PARD3: variants seen among roughly 807,000 people sequenced by gnomAD.
PARD3 encodes the protein par-3 family cell polarity regulator, also known as partitioning defective 3 homolog.
A neutral mutation model predicts 155.4 loss-of-function variants in PARD3; 75 were observed. The ratio of observed to expected loss-of-function variants is 0.48; its 90% CI spans 0.40 to 0.58. The LOEUF is 0.58. Among genes scored for constraint, PARD3 ranks in the 20% least tolerant of loss-of-function variants. The pLI is 0.00. For synonymous variants in PARD3, 576 were observed against 610.5 expected (o/e 0.94, Z 0.83); for missense variants, 1,642 against 1,721.7 (o/e 0.95, Z 0.82).
At chr10:34,582,035 C>T (rs561455523) in intron 2 of PARD3, among the ~76,000 whole-genome samples, 23 of 152,272 alleles carry the variant, frequency 1.5e-4, no homozygotes, top group Middle Eastern at 3.4e-3. Context: ...TAAAAATTTA[C>T]GCCAAGAACC....
At chr10:34,348,168 T>A in intron 14 of PARD3, 53 bp from the exon 15 acceptor site, 2 of 1,487,042 alleles carry the variant, frequency 1.3e-6, no homozygotes, top group Non-Finnish European at 1.8e-6. Context: ...GGAGGCCAAT[T>A]AGCAGCATGG....
chr10:34,194,680 G>GT (rs1950864959), intron 22 of PARD3, among the ~76,000 whole-genome samples: 1 of 150,548 alleles, frequency 6.6e-6, no homozygotes, highest in East Asian at 2.0e-4. Flanking sequence ...GCAGTGTTAG[G>GT]TGGATAATGG....
chr10:34,322,658 T>C (rs894076408), intron 19 of PARD3, among the ~76,000 whole-genome samples: 4 of 152,250 alleles, frequency 2.6e-5, no homozygotes, highest in Middle Eastern at 3.4e-3. Context: ...AATAGAGATA[T>C]ACAAAACGAA....
chr10:34,784,599 G>A (rs1335239901), intron 1 of PARD3, among the ~76,000 whole-genome samples: 2 of 152,114 alleles, frequency 1.3e-5, no homozygotes, highest in African/African-American at 2.4e-5. Context: ...ACCATGCCAG[G>A]CTAATTCTTG....
intron 12 of PARD3, among the ~76,000 whole-genome samples, chr10:34,364,504 TCC>T (rs1839775812): frequency 9.2e-5 from 14 of 151,916 alleles, no homozygotes; most frequent in Admixed American, 6.6e-4. Context: ...ATCATAGCTC[TCC>T]ATAACCTTGA....
At chr10:34,694,957 T>C (rs10763996) in intron 2 of PARD3, among the ~76,000 whole-genome samples, 92,414 of 151,904 alleles carry the variant, frequency 0.61, 29,035 homozygotes, top group Non-Finnish European at 0.67. Flanking sequence ...AGCAGGCCGG[T>C]GGGGAGAGGG....
At chr10:34,651,200 T>C (rs2093005910) in intron 2 of PARD3, among the ~76,000 whole-genome samples, 1 of 152,092 alleles carries the variant, frequency 6.6e-6, no homozygotes, top group Non-Finnish European at 1.5e-5. Flanking sequence ...TTGACAAAAA[T>C]TAGATTTTTG....
intron 2 of PARD3, among the ~76,000 whole-genome samples, chr10:34,650,200 ATGCACCG>A (rs1339900151): frequency 6.6e-6 from 1 of 152,264 alleles, no homozygotes; most frequent in Non-Finnish European, 1.5e-5. Flanking sequence ...ATCAAGCACC[ATGCACCG>A]TGCACAACTG....
intron 1 of PARD3, among the ~76,000 whole-genome samples, chr10:34,812,883 A>G (rs1844372536): frequency 6.6e-6 from 1 of 152,162 alleles, no homozygotes; most frequent in African/African-American, 2.4e-5. Flanking sequence ...CGCCCTGTGA[A>G]ACAACCACTG....
chr10:34,479,057 G>T (rs1280639912), intron 3 of PARD3, among the ~76,000 whole-genome samples: 1 of 151,936 alleles, frequency 6.6e-6, no homozygotes, highest in East Asian at 1.9e-4. Context: ...TAATATTGTG[G>T]TTGTGACAGA....
chr10:34,157,436 A>G (rs557045778), intron 22 of PARD3, among the ~76,000 whole-genome samples: 1 of 152,282 alleles, frequency 6.6e-6, no homozygotes, highest in East Asian at 1.9e-4. Context: ...TAAGCGCCCC[A>G]TGAACTCAAA....
chr10:34,157,848 G>T (rs1278956207), intron 22 of PARD3, among the ~76,000 whole-genome samples: 1 of 152,090 alleles, frequency 6.6e-6, no homozygotes, highest in Non-Finnish European at 1.5e-5. Context: ...TGGAAAATTA[G>T]AAAAAGAATT....
chr10:34,237,325 T>C (rs1953296975), intron 22 of PARD3, among the ~76,000 whole-genome samples: 1 of 152,184 alleles, frequency 6.6e-6, no homozygotes, highest in African/African-American at 2.4e-5. Context: ...CTAGAGCACA[T>C]GGAGACAAAG....
intron 1 of PARD3, among the ~76,000 whole-genome samples, chr10:34,803,261 A>G (rs1218217731): frequency 7.1e-6 from 1 of 140,314 alleles, no homozygotes; most frequent in Non-Finnish European, 1.6e-5. Context: ...AATAACAAAA[A>G]AAAAAAAATA....
chr10:34,813,301 ACTTTATTT>A (rs1844445951), intron 1 of PARD3, among the ~76,000 whole-genome samples: 1 of 74,256 alleles, frequency 1.3e-5, no homozygotes, highest in Non-Finnish European at 2.5e-5. Context: ...AGTGCATATT[ACTTTATTT>A]CTCTTTCCTT....
intron 16 of PARD3, 46 bp from the exon 17 acceptor site, chr10:34,337,472 C>G (rs1836312612): frequency 1.3e-5 from 17 of 1,340,082 alleles, no homozygotes; most frequent in Non-Finnish European, 1.5e-5. Context: ...CTAAAAATAG[C>G]ACGCATCCAT....
rs997474470 is a variant in PARD3, at chr10:34,372,432, T to G, written c.1707+66A>C. ...CAGGACAAGTAACTTCGTATTAAAT[T>G]AGTAAGAAGTTAGTTCCATGTATCT... On this transcript the variant is annotated intron_variant, in intron 12 of 24. Transcript: ENST00000374788. 4.3e-6 allele frequency: 5 copies of G among 1,167,256 alleles called. No homozygotes were observed. The African/African-American group carries it at 6.0e-5, about 14-fold the overall frequency. 72.3% of individuals were successfully genotyped at this position (1,167,256 alleles called of 1,614,324 possible). A position where few individuals can be genotyped will look rare whatever the true frequency, so the allele number is the denominator to read the frequency against.
chr10:34,544,788 A>C (rs2083911055), intron 2 of PARD3, among the ~76,000 whole-genome samples: 1 of 152,250 alleles, frequency 6.6e-6, no homozygotes. Context: ...AGTGACATCC[A>C]TAAATTCATT....
chr10:34,484,909 G>A (rs2079342234), intron 3 of PARD3, among the ~76,000 whole-genome samples: 1 of 152,168 alleles, frequency 6.6e-6, no homozygotes, highest in South Asian at 2.1e-4. Context: ...TCGTGTCATT[G>A]TGTTTGCCAT....
Sources: allele counts gnomAD v4.1 joint callset (sites outside exome capture counted in the v4.1 genomes callset), GRCh38; gene constraint gnomAD v4.1.1; transcripts MANE v1.5; gene names NCBI Gene and HGNC (gene_info 2026-07-23, HGNC 2026-07-21).